Variants in CENPU observed in about 807,000 individuals in gnomAD.
CENPU encodes the protein KSHV latent nuclear antigen interacting protein 1.
A neutral mutation model predicts 56.7 loss-of-function variants in CENPU; 46 were observed. That is an observed-to-expected ratio of 0.81 (90% CI 0.64 to 1.04). The LOEUF is 1.04. Among genes scored for constraint, CENPU ranks in the 50% least tolerant of loss-of-function variants. The pLI is 0.00. For missense variants in CENPU, 510 were observed against 490.1 expected (o/e 1.04, Z -0.38); for synonymous variants, 166 against 163.0 (o/e 1.02, Z -0.14).
At chr4:184,729,085 T>C (rs775501113) in intron 2 of CENPU, 50 bp from the exon 3 acceptor site, 5 of 1,331,048 alleles carry the variant, frequency 3.8e-6, no homozygotes, top group South Asian at 1.2e-5. Flanking sequence ...CAAAGAACAA[T>C]AGGTTGATTT....
At chr4:184,720,892 C>G (rs939537747) in intron 4 of CENPU, among the ~76,000 whole-genome samples, 2 of 152,012 alleles carry the variant, frequency 1.3e-5, no homozygotes, top group Non-Finnish European at 2.9e-5. Flanking sequence ...GGGAGTAATT[C>G]AAGCAGAAAG....
intron 8 of CENPU, among the ~76,000 whole-genome samples, chr4:184,709,611 T>C (rs1285296373): frequency 1.3e-5 from 2 of 152,132 alleles, no homozygotes; most frequent in Non-Finnish European, 2.9e-5. Context: ...AAATGTTCAA[T>C]TTGCAAGACA....
chr4:184,713,821 A>T (rs969860112), intron 6 of CENPU: 1 of 152,234 alleles, frequency 6.6e-6, no homozygotes, highest in Non-Finnish European at 1.5e-5. Context: ...GGGTATAGTG[A>T]GCTGAAGTCT....
chr4:184,704,469 G>A (rs986739752), intron 8 of CENPU, among the ~76,000 whole-genome samples: 28 of 151,450 alleles, frequency 1.8e-4, no homozygotes, highest in African/African-American at 6.8e-4. Context: ...TTACACCTAA[G>A]CCTAGTACAT....
At chr4:184,733,831 C>G (rs567790975) in intron 1 of CENPU, among the ~76,000 whole-genome samples, 185 bp downstream of exon 1, 1 of 152,356 alleles carries the variant, frequency 6.6e-6, no homozygotes, top group South Asian at 2.1e-4. Context: ...CCGACAGGCC[C>G]GTGCAGGTGG....
chr4:184,696,531 G>C (rs1367423849), intron 12 of CENPU, among the ~76,000 whole-genome samples: 1 of 151,758 alleles, frequency 6.6e-6, no homozygotes. Context: ...GGACTACTTA[G>C]GTAATTAAAA....
At position 184,728,914 on chromosome 4, in the gene CENPU, T is replaced by G. The variant is rs367633870; in HGVS notation, c.214+4A>C. 506 of 1,603,432 alleles carry G rather than the reference T, an allele frequency of 3.2e-4. No individual in the cohort carries two copies. The highest frequency in any genetic ancestry group is 4.1e-4 in the Non-Finnish European group (475 of 1,170,602). On this transcript the variant is annotated splice_donor_region_variant and intron_variant, in intron 3 of 12. Transcript: ENST00000281453. Reference sequence around the variant, plus strand: ...ATGTTAGGATAAAGATTTAAAGTACTAACCAAAGGTCTCATAAGTTTCTTC... The same window carrying G: ...ATGTTAGGATAAAGATTTAAAGTACGAACCAAAGGTCTCATAAGTTTCTTC...
In CENPU at chr4:184,694,633, T is replaced by C; in HGVS notation, c.*655A>G. 1 of 1,614,182 alleles carries C rather than the reference T, an allele frequency of 6.2e-7. No individual in the cohort carries two copies. Among genetic ancestry groups the C allele is most frequent in the Non-Finnish European group, 8.5e-7 (1 of 1,180,014 alleles). ...AACAGGTGCATCTGCTGATGCTGTC[T>C]GGGATAATGGCATTGATGATGCTTA... On this transcript the variant is annotated 3_prime_UTR_variant, in exon 13 of 13. Coordinates refer to ENST00000281453, the MANE Select transcript of CENPU (RefSeq NM_024629.4).
chr4:184,699,216 A>G (rs1760445398), intron 11 of CENPU, among the ~76,000 whole-genome samples: 1 of 152,002 alleles, frequency 6.6e-6, no homozygotes, highest in African/African-American at 2.4e-5. Context: ...TGTAGTCCCA[A>G]CTATTCGGGA....
chr4:184,711,548 C>T (rs559897729), intron 7 of CENPU, among the ~76,000 whole-genome samples: 1 of 152,100 alleles, frequency 6.6e-6, no homozygotes, highest in Non-Finnish European at 1.5e-5. Context: ...ACCAGCCTCC[C>T]CCTCTCCCCT....
intron 2 of CENPU, among the ~76,000 whole-genome samples, chr4:184,729,703 T>C (rs1761573051): frequency 1.3e-5 from 2 of 152,230 alleles, no homozygotes; most frequent in Admixed American, 1.3e-4. Flanking sequence ...TATGCCCATA[T>C]ACCCAAAAGT....
intron 4 of CENPU, among the ~76,000 whole-genome samples, chr4:184,723,720 G>A (rs1761354474): frequency 6.6e-6 from 1 of 151,718 alleles, no homozygotes; most frequent in South Asian, 2.1e-4. Context: ...GCACGTGCCT[G>A]TAGTCCAAGC....
intron 12 of CENPU, among the ~76,000 whole-genome samples, chr4:184,697,383 C>A (rs1029152951): frequency 6.7e-6 from 1 of 148,178 alleles, no homozygotes; most frequent in African/African-American, 2.4e-5. Flanking sequence ...AGAATAAAAA[C>A]TTCCCTTGAT....
chr4:184,698,814 T>A (rs557351239), intron 11 of CENPU, among the ~76,000 whole-genome samples: 2 of 152,162 alleles, frequency 1.3e-5, no homozygotes, highest in Non-Finnish European at 2.9e-5. Flanking sequence ...CTGGCAGCCA[T>A]GGTCAGGAGT....
rs776818896 is a variant in CENPU, at chr4:184,717,148, A to G, written c.369T>C (p.Ile123=). The stretch of plus-strand genomic sequence containing the variant: ...TACTCCTACATACCTTTTTTGCACT[A>G]ATTTTTACAGATTCGATTTCACTTG... ...NEASEIESVK[I]SAKKPGRKLR... Residue 123 remains isoleucine (I), a synonymous_variant, in exon 5 of 13, where the codon ATT becomes ATC. Transcript: ENST00000281453. 5.6e-6 allele frequency: 9 copies of G among 1,610,818 alleles called. No homozygotes were observed. Among genetic ancestry groups the G allele is most frequent in the Non-Finnish European group, 7.6e-6 (9 of 1,178,896 alleles).
At chr4:184,706,705 C>T (rs143819487) in intron 8 of CENPU, among the ~76,000 whole-genome samples, 4 of 152,184 alleles carry the variant, frequency 2.6e-5, no homozygotes, top group Admixed American at 6.5e-5. Context: ...AAGTGTTTCA[C>T]GTGGCTGAGA....
At chr4:184,702,160 T>C (rs753544350) in intron 9 of CENPU, 24 bp from the exon 10 acceptor site, 9 of 1,553,132 alleles carry the variant, frequency 5.8e-6, no homozygotes, top group South Asian at 4.5e-5. Flanking sequence ...AAAATACACA[T>C]GTACATCAGT....
At chr4:184,724,269 A>AAAAC (rs545420834) in intron 4 of CENPU, among the ~76,000 whole-genome samples, 5 of 152,176 alleles carry the variant, frequency 3.3e-5, no homozygotes, top group African/African-American at 9.7e-5. Flanking sequence ...CCATCTCAAA[A>AAAAC]AAACAAACAA....
intron 11 of CENPU, chr4:184,699,628 A>G (rs1170933743): frequency 7.0e-6 from 9 of 1,287,862 alleles, no homozygotes; most frequent in Non-Finnish European, 7.1e-6. Context: ...AACAGATTAG[A>G]CAACTGCTTT....
Sources: gnomAD v4.1 joint callset for allele counts (sites outside exome capture counted in the v4.1 genomes callset) on GRCh38, gnomAD v4.1.1 for gene constraint, MANE v1.5 for transcripts, NCBI Gene and HGNC (gene_info 2026-07-23, HGNC 2026-07-21) for gene names.